CFAP65: variants seen among roughly 807,000 people sequenced by gnomAD.
CFAP65 encodes cilia- and flagella-associated protein 65.
CFAP65 carries 155 observed loss-of-function variants against 208.0 expected under a neutral mutation model. That is an observed-to-expected ratio of 0.75 (90% confidence interval 0.65 to 0.85). The LOEUF (loss-of-function observed/expected upper bound fraction) is 0.85, where lower values mean the gene tolerates loss of function less well. Among genes scored for constraint, CFAP65 ranks in the 40% least tolerant of loss-of-function variants. The pLI is 0.00. For missense variants in CFAP65, 2,294 were observed against 2,451.3 expected (o/e 0.94, Z 1.36); for synonymous variants, 970 against 986.3 (o/e 0.98, Z 0.31).
intron 4 of CFAP65, among the ~76,000 whole-genome samples, chr2:219,037,984 G>A (rs1469576628): frequency 6.6e-6 from 1 of 152,196 alleles, no homozygotes; most frequent in Non-Finnish European, 1.5e-5. Context: ...AGAACTTCCT[G>A]AGGAAAGAGA....
chr2:219,040,053 A>AT (rs1948579727), intron 2 of CFAP65, among the ~76,000 whole-genome samples: 1 of 145,714 alleles, frequency 6.9e-6, no homozygotes, highest in African/African-American at 2.6e-5. Flanking sequence ...TATTTATTTA[A>AT]GACAGACTCT....
chr2:219,021,901 A>G lies in CFAP65; in HGVS notation c.3009T>C (p.Asn1003=), dbSNP rs1315042088. ...SAKEKELAFG[N]VLVNSKQSRF... ...TGGACTGCTTGCTGTTCACCAGCAC[A>G]TTCCCAAAGGCCAGCTCCTTTTCCT... The change falls in exon 18 of 35, where the codon AAT becomes AAC. Residue 1003 remains asparagine (N), a synonymous_variant. Coordinates refer to ENST00000341552, the MANE Select transcript of CFAP65 (RefSeq NM_194302.4). 1.2e-6 allele frequency: 2 copies of G among 1,613,712 alleles called. No individual in the cohort carries two copies. Among genetic ancestry groups the G allele is most frequent in the South Asian group, 1.1e-5 (1 of 91,082 alleles).
intron 14 of CFAP65, among the ~76,000 whole-genome samples, chr2:219,025,716 C>T (rs1203444995): frequency 3.9e-5 from 6 of 152,192 alleles, no homozygotes; most frequent in Non-Finnish European, 8.8e-5. Context: ...AAACAGGACA[C>T]AAACAAATGC....
rs773740516 is a variant in CFAP65 at position 219,019,488 on chromosome 2, A to G, written c.3473+18T>C. 2 of 1,601,718 alleles carry G rather than the reference A, an allele frequency of 1.2e-6. No individual in the cohort carries two copies. The highest frequency in any genetic ancestry group is 4.5e-5 in the East Asian group (2 of 44,512). ...GGCCCTGCCCCCAGCCCCCACCCCC[A>G]CTCCAGGCTCAGCTCACCTGTGCCG... is the stretch of plus-strand genomic sequence containing the variant. On this transcript the variant is annotated intron_variant, in intron 20 of 34. Transcript: ENST00000341552.
chr2:219,030,036 G>A lies in CFAP65; in HGVS notation c.1334C>T (p.Pro445Leu), dbSNP rs772562110. The A allele has an allele frequency of 1.2e-6, 2 of 1,614,112 alleles. No individual in the cohort carries two copies. The highest frequency in any genetic ancestry group is 1.1e-5 in the South Asian group (1 of 91,086). Residue 445 changes from proline (P) to leucine (L), a missense_variant, in exon 10 of 35, where the codon CCT becomes CTT. By Grantham distance (98) the Pro-to-Leu change is moderately conservative. Coordinates refer to ENST00000341552, the MANE Select transcript of CFAP65 (RefSeq NM_194302.4). ...CAGGGTCTTGGAGGCACAGCCAGAA[G>A]GCATGATGGAGCAGTAGTCCACAGT... The part of the protein sequence containing the change: ...TRTVDYCSIM[P>L]SGCASKTLLK...
At position 219,004,606 on chromosome 2, in the gene CFAP65, C is replaced by G. The variant is rs1184155724; in HGVS notation, c.5052-151G>C. On this transcript the variant is annotated intron_variant, in intron 32 of 34. Coordinates refer to ENST00000341552, the MANE Select transcript of CFAP65 (RefSeq NM_194302.4). The surrounding 1 kb of genome is among the most constrained non-coding windows in gnomAD (Gnocchi z 4.7). ...CAGTTGTTCCTCCTGTCCCTTCTTT[C>G]AAGGAAGACATCTTTGAGCCTCATG... 1 of 795,184 alleles carries G rather than the reference C, an allele frequency of 1.3e-6. No homozygotes were observed. The highest frequency in any genetic ancestry group is 2.0e-6 in the Non-Finnish European group (1 of 509,202). 49.3% of individuals were successfully genotyped at this position (795,184 alleles called of 1,614,324 possible).
In CFAP65 at chr2:219,032,505, G is replaced by A. The variant is rs1298294354; in HGVS notation, c.610C>T (p.Leu204Phe). 2.5e-6 allele frequency: 4 copies of A among 1,605,578 alleles called. No homozygotes were observed. Among genetic ancestry groups the A allele is most frequent in the South Asian group, 2.2e-5 (2 of 88,942 alleles). Reference protein sequence around the residue: ...QPIFLSPGITLTLPIVFRPLE... With the variant: ...QPIFLSPGITFTLPIVFRPLE... ...GGCCGGAAGACGATGGGGAGCGTGA[G>A]GGTTATGCCTGGGCTCAGGAAGATG... The change falls in exon 6 of 35, where the codon CTC (leucine) becomes TTC (phenylalanine). Residue 204 changes from leucine to phenylalanine, a missense_variant. By Grantham distance (22) the Leu-to-Phe change is conservative. Coordinates refer to ENST00000341552, the MANE Select transcript of CFAP65 (RefSeq NM_194302.4). The surrounding 1 kb of genome is among the most constrained non-coding windows in gnomAD (Gnocchi z 5.5).
chr2:219,029,956 C>G, intron 10 of CFAP65, 30 bp downstream of exon 10: 1 of 1,601,524 alleles, frequency 6.2e-7, no homozygotes, highest in Non-Finnish European at 8.5e-7. Context: ...TGCTCCTGTC[C>G]CCAGGGGAGG....
At chr2:219,009,594 GATGGGATGGGATGGGACAAGATGGA>G in intron 27 of CFAP65, 134 bp from the exon 28 acceptor site, 1 of 564,270 alleles carries the variant, frequency 1.8e-6, no homozygotes, top group South Asian at 1.8e-5. Context: ...GATGGGACAA[GATGGGATGGGATGGGACAAGATGGA>G]ATGGGATGGG....
At chr2:219,036,886 A>G (rs886845563) in intron 4 of CFAP65, among the ~76,000 whole-genome samples, 17 of 152,256 alleles carry the variant, frequency 1.1e-4, no homozygotes, top group African/African-American at 3.6e-4. Context: ...AATGGTGAAC[A>G]GGACTGACAA....
Position 219,031,044 on chromosome 2 carries a change from C to A in CFAP65, c.1015+62G>T. The A allele has an allele frequency of 6.6e-7, 1 of 1,520,912 alleles. No homozygotes were observed. The highest frequency in any genetic ancestry group is 8.9e-7 in the Non-Finnish European group (1 of 1,125,796). The allele number at this position is 1,520,912 out of a possible 1,614,324, so 94.2% of individuals were successfully genotyped here. A position where few individuals can be genotyped will look rare whatever the true frequency, so the allele number is the denominator to read the frequency against. On this transcript the variant is annotated intron_variant, in intron 8 of 34. Coordinates refer to ENST00000341552, the MANE Select transcript of CFAP65 (RefSeq NM_194302.4). This position sits in a 1 kb window ranked among gnomAD's most constrained non-coding sequence, Gnocchi z 5.2. Reference sequence around the variant, plus strand: ...AGATGGGAGGTGGGGGACACTGAGGCCTGGAGGACCCAGAAGGTGCAGGAG... The same window carrying A: ...AGATGGGAGGTGGGGGACACTGAGGACTGGAGGACCCAGAAGGTGCAGGAG...
chr2:219,030,378 A>T (rs995480786), intron 9 of CFAP65, among the ~76,000 whole-genome samples, 170 bp from the exon 10 acceptor site: 1 of 152,198 alleles, frequency 6.6e-6, no homozygotes, highest in African/African-American at 2.4e-5. Flanking sequence ...GAAGGGACCG[A>T]GTCATGTGCC....
In CFAP65 at chr2:219,031,828, C is replaced by G. The variant is rs4453686; in HGVS notation, c.646-170G>C. 0.26 allele frequency among the ~76,000 whole-genome samples: 39,502 copies of G among 152,014 alleles called. 8,330 individuals are homozygous for G. Among genetic ancestry groups the G allele is most frequent in the African/African-American group, 0.59 (24,532 of 41,464 alleles). ...GCACCTATGTTGTCTTGGTCTCAAA[C>G]ATTAGAGCCTCTTTTGTGGAAAAAG... On this transcript the variant is annotated intron_variant, in intron 6 of 34. Coordinates refer to ENST00000341552, the MANE Select transcript of CFAP65 (RefSeq NM_194302.4). This position sits in a 1 kb window ranked among gnomAD's most constrained non-coding sequence, Gnocchi z 5.2.
chr2:219,004,183 A>G lies in CFAP65; in HGVS notation c.5324T>C (p.Leu1775Ser), dbSNP rs780401221. 3.1e-6 allele frequency: 5 copies of G among 1,611,492 alleles called. No homozygotes were observed. The highest frequency in any genetic ancestry group is 4.2e-6 in the Non-Finnish European group (5 of 1,179,504). The change falls in exon 33 of 35, where the codon TTG (leucine) becomes TCG (serine). Residue 1775 changes from leucine to serine, a missense_variant. Physicochemically the swap from Leu to Ser is moderately radical, Grantham distance 145. Around this residue, in one of 2 missense-constraint regions of CFAP65, gnomAD observed 1,427 missense variants for 1,438.7 expected, o/e 0.99. Coordinates refer to ENST00000341552, the MANE Select transcript of CFAP65 (RefSeq NM_194302.4). The surrounding 1 kb of genome is among the most constrained non-coding windows in gnomAD (Gnocchi z 4.7). ...CTCTTCTTCCTCCTCTTCCTCCTCC[A>G]ACTCTTCTTCTTCCTCTTCACCCTT... ...EEKGEEEEEE[L>S]EEEEEEEEET...
In CFAP65 at chr2:219,013,343, C is replaced by T. The variant is rs1254992443; in HGVS notation, c.3873G>A (p.Lys1291=). The stretch of plus-strand genomic sequence containing the variant: ...TGAAGTGCACATACTTCTGCTCCGG[C>T]TTCACTGTCACACCTATGAAATTTA... ...ILLNFIGVTV[K]PEQKYVHFTS... The change falls in exon 24 of 35, where the codon AAG becomes AAA. Residue 1291 remains lysine, a synonymous_variant. Coordinates refer to ENST00000341552, the MANE Select transcript of CFAP65 (RefSeq NM_194302.4). The T allele has an allele frequency of 2.5e-6, 4 of 1,613,652 alleles. No homozygotes were observed. Among genetic ancestry groups the T allele is most frequent in the Non-Finnish European group, 3.4e-6 (4 of 1,179,864 alleles).
chr2:219,021,087 A>G, intron 19 of CFAP65, 65 bp downstream of exon 19: 1 of 1,450,828 alleles, frequency 6.9e-7, no homozygotes, highest in Non-Finnish European at 9.1e-7. Flanking sequence ...ACTGCCTCAC[A>G]CAGCCCTCCC....
At chr2:219,028,783 CT>C (rs1308336500) in intron 11 of CFAP65, among the ~76,000 whole-genome samples, 1 of 152,180 alleles carries the variant, frequency 6.6e-6, no homozygotes, top group Non-Finnish European at 1.5e-5. Context: ...GGCTTCTGTT[CT>C]TTCCTCCATT....
Position 219,039,032 on chromosome 2 carries a change from C to T in CFAP65, c.17G>A (p.Gly6Asp). The T allele has an allele frequency of 6.2e-7, 1 of 1,608,762 alleles. No homozygotes were observed. Among genetic ancestry groups the T allele is most frequent in the South Asian group, 1.1e-5 (1 of 90,178 alleles). ...CTGGGTTTTCTCCACCAGTCTACAA[C>T]CGGTTAAGGTAAACATCACTGAAAT... MFTLT[G>D]CRLVEKTQKV... Residue 6 changes from glycine to aspartate, a missense_variant, in exon 3 of 35, where the codon GGT (glycine) becomes GAT (aspartate). Physicochemically the swap from Gly to Asp is moderately conservative, Grantham distance 94. Transcript: ENST00000341552.
At chr2:219,023,696 G>A (rs1045615534) in intron 15 of CFAP65, among the ~76,000 whole-genome samples, 2 of 152,218 alleles carry the variant, frequency 1.3e-5, no homozygotes, top group African/African-American at 4.8e-5. Context: ...CACCATCTCA[G>A]AGTCTATTGC....
Sources: gnomAD v4.1 joint callset for allele counts (sites outside exome capture counted in the v4.1 genomes callset) on GRCh38, gnomAD v4.1.1 for gene constraint, gnomAD v4.1.1 regional missense constraint, Gnocchi (gnomAD v3.1) non-coding constraint, MANE v1.5 for transcripts, NCBI Gene and HGNC (gene_info 2026-07-23, HGNC 2026-07-21) for gene names.